ALG9: variants seen among roughly 807,000 people sequenced by gnomAD.
ALG9 encodes ALG9 alpha-1,2-mannosyltransferase, also known as alpha-1,2-mannosyltransferase ALG9.
In ALG9, 55 loss-of-function variants were observed where a neutral mutation model predicts 81.8. That is an observed-to-expected ratio of 0.67 (90% CI 0.54 to 0.84). The LOEUF (loss-of-function observed/expected upper bound fraction) is 0.84. Among genes scored for constraint, ALG9 ranks in the 40% least tolerant of loss-of-function variants. The pLI is 0.00. For synonymous variants in ALG9, 278 were observed against 274.3 expected (o/e 1.01, Z -0.13); for missense variants, 629 against 745.0 (o/e 0.84, Z 1.81).
chr11:111,787,733 C>A (rs1232098339), intron 14 of ALG9, among the ~76,000 whole-genome samples: 4 of 151,858 alleles, frequency 2.6e-5, no homozygotes, highest in Non-Finnish European at 4.4e-5. Context: ...GTTGGGATTA[C>A]AGGCGTGAGC....
chr11:111,847,697 T>C (rs1324360620), intron 8 of ALG9, among the ~76,000 whole-genome samples: 2 of 152,218 alleles, frequency 1.3e-5, no homozygotes, highest in African/African-American at 4.8e-5. Context: ...TTCACAATTC[T>C]AGTCTATCCT....
downstream of ALG9, among the ~76,000 whole-genome samples, chr11:111,779,945 T>A (rs782584019): frequency 2.2e-4 from 34 of 152,166 alleles, no homozygotes; most frequent in Admixed American, 2.2e-3. Context: ...TTCTCACGTG[T>A]TGGTTATCAT....
chr11:111,836,550 C>A, intron 12 of ALG9: 1 of 432,018 alleles, frequency 2.3e-6, no homozygotes, highest in Non-Finnish European at 4.3e-6. Flanking sequence ...ATGGTCATAT[C>A]ATCAAAAAAC....
intron 9 of ALG9, among the ~76,000 whole-genome samples, chr11:111,841,711 A>C (rs1374852092): frequency 6.6e-5 from 10 of 152,328 alleles, no homozygotes; most frequent in Non-Finnish European, 1.5e-4. Flanking sequence ...GTCAAGATCC[A>C]CTTTAGCTAT....
chr11:111,854,269 T>C (rs1419762570), intron 6 of ALG9, among the ~76,000 whole-genome samples: 2 of 140,186 alleles, frequency 1.4e-5, no homozygotes, highest in East Asian at 4.1e-4. Flanking sequence ...GCTAATTTTT[T>C]TTTTTTTTTT....
chr11:111,852,864 C>A (rs2137042501), intron 8 of ALG9, among the ~76,000 whole-genome samples: 1 of 151,408 alleles, frequency 6.6e-6, no homozygotes, highest in Middle Eastern at 3.4e-3. Flanking sequence ...ATCACTTGAA[C>A]CCAGGAGGTG....
At chr11:111,810,651 G>A (rs972370872) in intron 13 of ALG9, among the ~76,000 whole-genome samples, 1 of 152,164 alleles carries the variant, frequency 6.6e-6, no homozygotes, top group Non-Finnish European at 1.5e-5. Context: ...AACTACTCAG[G>A]AGGCTGAGGT....
At chr11:111,870,637 C>A (rs1964030867) in intron 1 of ALG9, 4 of 779,160 alleles carry the variant, frequency 5.1e-6, no homozygotes, top group African/African-American at 1.9e-5. Context: ...AATCCTCCTG[C>A]CTCAGCCTTC....
intron 6 of ALG9, among the ~76,000 whole-genome samples, chr11:111,856,718 G>T (rs553356388): frequency 6.6e-4 from 100 of 151,502 alleles, no homozygotes; most frequent in African/African-American, 2.3e-3. Flanking sequence ...TGTGGTACAG[G>T]TAAGAAATTA....
chr11:111,809,188 C>CA (rs1950340215), intron 14 of ALG9, among the ~76,000 whole-genome samples: 1 of 151,958 alleles, frequency 6.6e-6, no homozygotes, highest in Admixed American at 6.5e-5. Context: ...TCTGGTGCCT[C>CA]AAAAAAGAAA....
intron 10 of ALG9, among the ~76,000 whole-genome samples, chr11:111,838,891 A>G (rs1031530971): frequency 6.6e-6 from 1 of 152,176 alleles, no homozygotes; most frequent in Non-Finnish European, 1.5e-5. Flanking sequence ...AAACTAGATG[A>G]ATATAATATA....
At chr11:111,807,579 T>C (rs1950106252) in intron 14 of ALG9, among the ~76,000 whole-genome samples, 1 of 152,234 alleles carries the variant, frequency 6.6e-6, no homozygotes, top group Non-Finnish European at 1.5e-5. Flanking sequence ...TTGTATATTA[T>C]GTCTTCCCTA....
chr11:111,856,276 CAAAAA>C (rs1175162630), intron 6 of ALG9, among the ~76,000 whole-genome samples: 2 of 38,582 alleles, frequency 5.2e-5, no homozygotes, highest in African/African-American at 7.5e-5. Flanking sequence ...GACTCCATCT[CAAAAA>C]AAAAAAAAAA....
At chr11:111,835,705 T>C (rs1476198004) in intron 13 of ALG9, among the ~76,000 whole-genome samples, 1 of 152,190 alleles carries the variant, frequency 6.6e-6, no homozygotes, top group Non-Finnish European at 1.5e-5. Context: ...AAAGTGATAC[T>C]GTTTACTGTT....
intron 8 of ALG9, among the ~76,000 whole-genome samples, chr11:111,846,221 T>C (rs779798958): frequency 6.6e-6 from 1 of 152,206 alleles, no homozygotes; most frequent in African/African-American, 2.4e-5. Context: ...TGACCACCAG[T>C]GCGGAAGCAG....
intron 14 of ALG9, among the ~76,000 whole-genome samples, chr11:111,797,018 T>C (rs1948395591): frequency 1.3e-5 from 2 of 152,208 alleles, no homozygotes; most frequent in African/African-American, 4.8e-5. Flanking sequence ...GCATGTACTA[T>C]ATGCCTCTTC....
At chr11:111,795,694 G>A (rs1448733030) in intron 14 of ALG9, among the ~76,000 whole-genome samples, 4 of 152,208 alleles carry the variant, frequency 2.6e-5, no homozygotes, top group Non-Finnish European at 2.9e-5. Context: ...AACTGGAATC[G>A]TGGCATCGTG....
chr11:111,868,154 A>G (rs1963088811), intron 3 of ALG9, among the ~76,000 whole-genome samples: 1 of 152,242 alleles, frequency 6.6e-6, no homozygotes, highest in Non-Finnish European at 1.5e-5. Context: ...AACTCCAAAC[A>G]GGACAAACCC....
chr11:111,864,564 A>G, intron 4 of ALG9: 1 of 576,308 alleles, frequency 1.7e-6, no homozygotes. Context: ...CCTGTAGCAC[A>G]TGTGCTGTAA....
Sources: allele counts gnomAD v4.1 joint callset (sites outside exome capture counted in the v4.1 genomes callset), GRCh38; gene constraint gnomAD v4.1.1; transcripts MANE v1.5; gene names NCBI Gene and HGNC (gene_info 2026-07-23, HGNC 2026-07-21).